Variants in WASF3 observed in about 807,000 individuals in gnomAD.
WASF3 encodes the protein WASP family member 3, also known as actin-binding protein WASF3.
WASF3 carries 11 observed loss-of-function variants against 46.6 expected under a neutral mutation model. That is an observed-to-expected ratio of 0.24 (90% CI 0.15 to 0.39). The LOEUF (loss-of-function observed/expected upper bound fraction) is 0.39, where lower values mean the gene tolerates loss of function less well. Ranked by LOEUF, WASF3 falls within the 10% of genes least tolerant of loss-of-function variation. The probability of loss-of-function intolerance (pLI) is 1.00; values close to 1 mark genes in which losing one functional copy is unlikely to be tolerated. For missense variants in WASF3, 576 were observed against 669.8 expected, an observed-to-expected ratio of 0.86 and a Z score of 1.55; for synonymous variants, 242 against 259.7, an observed-to-expected ratio of 0.93 and a Z score of 0.65.
At chr13:26,609,212 A>G (rs1880896346) in intron 1 of WASF3, among the ~76,000 whole-genome samples, 1 of 152,172 alleles carries the variant, frequency 6.6e-6, no homozygotes, top group African/African-American at 2.4e-5. Flanking sequence ...GATGTCGTGG[A>G]TAAGTAAGAT....
chr13:26,574,736 G>A (rs1879741508), intron 1 of WASF3, among the ~76,000 whole-genome samples: 1 of 151,574 alleles, frequency 6.6e-6, no homozygotes, highest in Non-Finnish European at 1.5e-5. Context: ...TGTTTGATGT[G>A]TTTTTCTTAA....
intron 2 of WASF3, among the ~76,000 whole-genome samples, chr13:26,616,166 A>G (rs1881128394): frequency 6.6e-6 from 1 of 152,172 alleles, no homozygotes; most frequent in Admixed American, 6.5e-5. Context: ...TGATAAGTGT[A>G]TGTTTAACTT....
At chr13:26,588,853 A>G (rs1460497910) in intron 1 of WASF3, among the ~76,000 whole-genome samples, 1 of 152,166 alleles carries the variant, frequency 6.6e-6, no homozygotes, top group Non-Finnish European at 1.5e-5. Context: ...GCTGGAGCGC[A>G]GTGGCATGAT....
At chr13:26,585,265 A>G (rs1410520953) in intron 1 of WASF3, among the ~76,000 whole-genome samples, 1 of 145,198 alleles carries the variant, frequency 6.9e-6, no homozygotes, top group African/African-American at 2.4e-5. Flanking sequence ...CTAAAGATCC[A>G]AATGTAAACA....
rs905885887 is a variant in WASF3, at chr13:26,642,415, T to A, written c.133+12T>A. 2 of 1,570,396 alleles carry A rather than the reference T, an allele frequency of 1.3e-6. No individual in the cohort carries two copies. Among genetic ancestry groups the A allele is most frequent in the African/African-American group, 2.8e-5 (2 of 72,284 alleles). On this transcript the variant is annotated intron_variant, in intron 3 of 9. Transcript: ENST00000335327. ...GCTGAGCAGTCTGAGTAAGCCATCTTTTTTCTGATTACCAATGACATTAAC... is the reference window on the plus strand; with the variant it reads ...GCTGAGCAGTCTGAGTAAGCCATCTATTTTCTGATTACCAATGACATTAAC...
At chr13:26,567,747 C>T (rs1879512236) in intron 1 of WASF3, among the ~76,000 whole-genome samples, 1 of 151,642 alleles carries the variant, frequency 6.6e-6, no homozygotes. Context: ...GCTTTGCTTT[C>T]TTTACTATGC....
chr13:26,583,154 A>G (rs193068508), intron 1 of WASF3, among the ~76,000 whole-genome samples: 2 of 152,216 alleles, frequency 1.3e-5, no homozygotes, highest in Non-Finnish European at 2.9e-5. Flanking sequence ...ACATGTTTGC[A>G]TAATGATTTA....
At chr13:26,662,818 A>T (rs974353313) in intron 3 of WASF3, among the ~76,000 whole-genome samples, 2 of 152,222 alleles carry the variant, frequency 1.3e-5, no homozygotes, top group Admixed American at 6.5e-5. Flanking sequence ...TTATTTTTTA[A>T]AAAACCGGGG....
intron 2 of WASF3, among the ~76,000 whole-genome samples, chr13:26,618,611 A>G (rs1316582630): frequency 6.6e-6 from 1 of 151,822 alleles, no homozygotes; most frequent in Admixed American, 6.6e-5. Context: ...GACACTCCAT[A>G]TATATATTTA....
intron 1 of WASF3, among the ~76,000 whole-genome samples, chr13:26,603,084 G>C (rs1397927007): frequency 6.6e-6 from 1 of 152,196 alleles, no homozygotes; most frequent in Non-Finnish European, 1.5e-5. Context: ...AGTAACTGCT[G>C]TTGGTACCTC....
chr13:26,595,794 AG>A (rs1189704681), intron 1 of WASF3, among the ~76,000 whole-genome samples: 1 of 152,146 alleles, frequency 6.6e-6, no homozygotes, highest in Non-Finnish European at 1.5e-5. Context: ...AATGTCTTTG[AG>A]GTCTGTCCGG....
At chr13:26,566,665 C>T (rs1879473654) in intron 1 of WASF3, among the ~76,000 whole-genome samples, 1 of 152,176 alleles carries the variant, frequency 6.6e-6, no homozygotes, top group Admixed American at 6.5e-5. Flanking sequence ...CTGCTTGGTT[C>T]AGGCAGTGGG....
At chr13:26,665,207 A>G (rs766473594) in intron 4 of WASF3, 45 bp downstream of exon 4, 21 of 1,598,650 alleles carry the variant, frequency 1.3e-5, no homozygotes, top group Non-Finnish European at 1.8e-5. Context: ...GATGTTGACA[A>G]GATGGTAGTA....
intron 7 of WASF3, among the ~76,000 whole-genome samples, chr13:26,677,979 A>C (rs2441074): frequency 0.1 from 15,222 of 151,194 alleles, 1,148 homozygotes; most frequent in East Asian, 0.32. Flanking sequence ...AAAATCTCTC[A>C]GTTGAATGAT....
At chr13:26,563,076 G>A (rs1002837155) in intron 1 of WASF3, among the ~76,000 whole-genome samples, 3 of 151,380 alleles carry the variant, frequency 2.0e-5, no homozygotes, top group Non-Finnish European at 4.4e-5. Context: ...AGGTGCCATT[G>A]TGTCTCCAGG....
At chr13:26,649,935 G>A (rs968069365) in intron 3 of WASF3, among the ~76,000 whole-genome samples, 1 of 152,238 alleles carries the variant, frequency 6.6e-6, no homozygotes, top group East Asian at 1.9e-4. Context: ...GCCAGGCGTG[G>A]TGGTGGGCAC....
chr13:26,542,764 C>T, the WASF3 span, among the ~76,000 whole-genome samples: 2 of 152,196 alleles, frequency 1.3e-5, no homozygotes, highest in African/African-American at 4.8e-5. Flanking sequence ...CAGCACTCTG[C>T]GTCACCTCCT....
chr13:26,564,239 A>T (rs1320982919), intron 1 of WASF3, among the ~76,000 whole-genome samples: 1 of 152,044 alleles, frequency 6.6e-6, no homozygotes, highest in African/African-American at 2.4e-5. Flanking sequence ...TAGTTCACAA[A>T]CTCCTTGTTG....
At position 26,681,339 on chromosome 13, in the gene WASF3, T is replaced by TACCCTAATCCCTCCTGGCCTTGC. The variant is rs1883226218; in HGVS notation, c.983+21_983+43dup. ...ACTACGGGTAACTCAGCATGCCTTGTACCCTAATCCCTCCTGGCCTTGCAT... is the reference window on the plus strand; with the variant it reads ...ACTACGGGTAACTCAGCATGCCTTGTACCCTAATCCCTCCTGGCCTTGCACCCTAATCCCTCCTGGCCTTGCAT... On this transcript the variant is annotated intron_variant, in intron 8 of 9. Transcript: ENST00000335327. 1 of 1,552,792 alleles carries TACCCTAATCCCTCCTGGCCTTGC rather than the reference T, an allele frequency of 6.4e-7. No individual in the cohort carries two copies. The highest frequency in any genetic ancestry group is 1.4e-5 in the African/African-American group (1 of 72,964).
Sources: gnomAD v4.1 joint callset for allele counts (sites outside exome capture counted in the v4.1 genomes callset) on GRCh38, gnomAD v4.1.1 for gene constraint, MANE v1.5 for transcripts, NCBI Gene and HGNC (gene_info 2026-07-23, HGNC 2026-07-21) for gene names.